Variants in AFAP1L1 observed in about 807,000 individuals in gnomAD.
The protein encoded by AFAP1L1 is actin filament associated protein 1 like 1.
In AFAP1L1, 77 loss-of-function variants were observed where a neutral mutation model predicts 99.8. The ratio of observed to expected loss-of-function variants is 0.77; its 90% confidence interval spans 0.64 to 0.93. The LOEUF is 0.93. Among genes scored for constraint, AFAP1L1 ranks in the 40% least tolerant of loss-of-function variants. AFAP1L1 has a pLI of 0.00. For missense variants in AFAP1L1, 893 were observed against 996.8 expected (o/e 0.90, Z 1.40); for synonymous variants, 373 against 395.3 (o/e 0.94, Z 0.67).
intron 15 of AFAP1L1, among the ~76,000 whole-genome samples, chr5:149,327,216 C>A (rs1418008475): frequency 7.3e-6 from 1 of 137,038 alleles, no homozygotes; most frequent in African/African-American, 2.8e-5. Flanking sequence ...AATAAAGGAA[C>A]AGAAGATGAC....
intron 1 of AFAP1L1, among the ~76,000 whole-genome samples, chr5:149,290,646 G>T (rs938986548): frequency 2.0e-5 from 3 of 152,140 alleles, no homozygotes; most frequent in African/African-American, 7.2e-5. Context: ...ACAAAATAGA[G>T]CATTTGGGAG....
chr5:149,284,219 C>A (rs1009741668), intron 1 of AFAP1L1, among the ~76,000 whole-genome samples: 6 of 152,182 alleles, frequency 3.9e-5, no homozygotes, highest in Non-Finnish European at 7.4e-5. Flanking sequence ...TTCTCCCAGT[C>A]GCTTACTGGG....
chr5:149,279,362 G>T (rs1316099857), intron 1 of AFAP1L1, among the ~76,000 whole-genome samples: 1 of 151,232 alleles, frequency 6.6e-6, no homozygotes, highest in African/African-American at 2.5e-5. Flanking sequence ...GGAAGCCACG[G>T]AATGGCTTAG....
chr5:149,319,722 CT>C lies in AFAP1L1; in HGVS notation c.1622del (p.Phe541SerfsTer38). ...GCATCGTCAGTGCTGGGCGCAACTCCTTCCTGTAAGTGTCAGCTGCACTGGC... is the reference window on the plus strand; with the variant it reads ...GCATCGTCAGTGCTGGGCGCAACTCCTCCTGTAAGTGTCAGCTGCACTGGC... Reference protein sequence around the residue: ...TSIVSAGRNSFLYARSCQNQW... With the variant: ...TSIVSAGRNSXLYARSCQNQW... On this transcript the variant is annotated frameshift_variant, in exon 13 of 19. Coordinates refer to ENST00000296721, the MANE Select transcript of AFAP1L1 (RefSeq NM_152406.4). LOFTEE classifies it high-confidence loss of function. 6.2e-7 allele frequency: 1 copy of C among 1,611,858 alleles called. No homozygotes were observed. The highest frequency in any genetic ancestry group is 8.5e-7 in the Non-Finnish European group (1 of 1,179,918).
In AFAP1L1 at chr5:149,332,864, C is replaced by G; in HGVS notation, c.2145C>G (p.Pro715=). 1 of 1,594,164 alleles carries G rather than the reference C, an allele frequency of 6.3e-7. No individual in the cohort carries two copies. Among genetic ancestry groups the G allele is most frequent in the Non-Finnish European group, 8.5e-7 (1 of 1,171,688 alleles). Residue 715 remains proline (P), a synonymous_variant, in exon 17 of 19, where the codon CCC becomes CCG. Coordinates refer to ENST00000296721, the MANE Select transcript of AFAP1L1 (RefSeq NM_152406.4). ...PALGLSVSSK[P]KSGETANKPQ... Reference sequence around the variant, plus strand: ...TGGGGCTCTCCGTGAGCAGCAAGCCCAAGAGTGGGGTGAGTCCAGGCCCTT... The same window carrying G: ...TGGGGCTCTCCGTGAGCAGCAAGCCGAAGAGTGGGGTGAGTCCAGGCCCTT...
At chr5:149,272,131 CT>C in intron 1 of AFAP1L1, 147 bp downstream of exon 1, 1 of 904,602 alleles carries the variant, frequency 1.1e-6, no homozygotes, top group Non-Finnish European at 1.4e-6. Context: ...AGACGCGGCG[CT>C]TATGCAAAGG....
At position 149,315,856 on chromosome 5, in the gene AFAP1L1, C is replaced by G. The variant is rs1386023360; in HGVS notation, c.1056C>G (p.Asp352Glu). ...AAGAGAAGCAGACCTCAGATTCTGA[C>G]AGCGTGGGTGTGGGTGACAACTGTT... ...LSQEKQTSDS[D>E]SVGVGDNCST... The change falls in exon 10 of 19, where the codon GAC becomes GAG. Residue 352 changes from aspartate (D) to glutamate (E), a missense_variant. Transcript: ENST00000296721. 3.1e-6 allele frequency: 5 copies of G among 1,614,008 alleles called. No individual in the cohort carries two copies. Among genetic ancestry groups the G allele is most frequent in the Admixed American group, 1.7e-5 (1 of 60,010 alleles).
rs369538416 is a variant in AFAP1L1, at chr5:149,332,675, A to T, written c.1976-20A>T. On this transcript the variant is annotated intron_variant, in intron 16 of 18. Coordinates refer to ENST00000296721, the MANE Select transcript of AFAP1L1 (RefSeq NM_152406.4). The stretch of plus-strand genomic sequence containing the variant: ...TTCAGGTCAGGTTCAGCTTTTTCTT[A>T]TCAATGTCTCTTGATTCAGGAGCAA... The T allele has an allele frequency of 5.6e-6, 9 of 1,603,574 alleles. No homozygotes were observed. In the African/African-American group the frequency reaches 8.1e-5, roughly 14 times the overall value.
intron 15 of AFAP1L1, among the ~76,000 whole-genome samples, chr5:149,327,459 G>A (rs1490426949): frequency 6.6e-6 from 1 of 151,926 alleles, no homozygotes; most frequent in South Asian, 2.1e-4. Flanking sequence ...TACAGTATAC[G>A]TATATGGAAC....
rs762281011 is a variant in AFAP1L1, at chr5:149,320,460, G to A, written c.1695G>A (p.Met565Ile). ...RVYDDVPYEK[M>I]QDEEPERPTG... ...ATGATGATGTTCCTTATGAAAAGAT[G>A]CAGGTACAGTCCCTTGGGGCTGCCC... Residue 565 changes from methionine to isoleucine, a missense_variant, in exon 14 of 19, where the codon ATG becomes ATA. Physicochemically the swap from Met to Ile is conservative, Grantham distance 10. Coordinates refer to ENST00000296721, the MANE Select transcript of AFAP1L1 (RefSeq NM_152406.4). The surrounding 1 kb of genome is among the most constrained non-coding windows in gnomAD (Gnocchi z 4.0). The A allele has an allele frequency of 1.2e-6, 2 of 1,614,208 alleles. No homozygotes were observed. The highest frequency in any genetic ancestry group is 1.1e-5 in the South Asian group (1 of 91,084).
rs762666175 is a variant in AFAP1L1, at chr5:149,335,619, G to T, written c.2180G>T (p.Ser727Ile). 1.2e-6 allele frequency: 2 copies of T among 1,612,560 alleles called. No individual in the cohort carries two copies. Among genetic ancestry groups the T allele is most frequent in the Non-Finnish European group, 1.7e-6 (2 of 1,180,004 alleles). ...SGETANKPQN[S>I]VPEQPLPVNC... ...GAAACTGCAAATAAACCCCAGAACA[G>T]CGTTCCAGAGCAACCTCTCCCTGTC... Residue 727 changes from serine to isoleucine, a missense_variant, in exon 18 of 19, where the codon AGC becomes ATC. Physicochemically the swap from Ser to Ile is moderately radical, Grantham distance 142 (BLOSUM62 -2). Coordinates refer to ENST00000296721, the MANE Select transcript of AFAP1L1 (RefSeq NM_152406.4).
intron 15 of AFAP1L1, among the ~76,000 whole-genome samples, chr5:149,328,673 G>A (rs186241558): frequency 5.4e-4 from 82 of 152,216 alleles, no homozygotes; most frequent in African/African-American, 1.9e-3. Flanking sequence ...GCCAGGCATG[G>A]TGGCGGGCAC....
At chr5:149,280,497 C>T (rs1167440434) in intron 1 of AFAP1L1, among the ~76,000 whole-genome samples, 1 of 151,998 alleles carries the variant, frequency 6.6e-6, no homozygotes, top group East Asian at 1.9e-4. Flanking sequence ...TGGCACATCC[C>T]CCAGGTGATT....
At chr5:149,318,843 G>A (rs1756871295) in intron 12 of AFAP1L1, among the ~76,000 whole-genome samples, 1 of 152,238 alleles carries the variant, frequency 6.6e-6, no homozygotes, top group Non-Finnish European at 1.5e-5. Context: ...GGGGTCCACA[G>A]AGGGCCAGTG....
rs112364883 is a variant in AFAP1L1 at position 149,290,869 on chromosome 5, G to T, written c.17-8640G>T. On this transcript the variant is annotated intron_variant, in intron 1 of 18. Transcript: ENST00000296721. ...TTGCTCCAAGAATTTATTGTTCCAT[G>T]TATACTTAAACATTTGCCCTATGTT... 3.3e-4 allele frequency among the ~76,000 whole-genome samples: 51 copies of T among 152,322 alleles called. 2 individuals carry two copies. The highest frequency in any genetic ancestry group is 1.2e-3 in the African/African-American group (48 of 41,574).
At chr5:149,304,014 T>C (rs573450977) in intron 5 of AFAP1L1, among the ~76,000 whole-genome samples, 1 of 152,204 alleles carries the variant, frequency 6.6e-6, no homozygotes, top group Non-Finnish European at 1.5e-5. Flanking sequence ...CCCATACCAC[T>C]AAGCAGTCAC....
intron 1 of AFAP1L1, among the ~76,000 whole-genome samples, chr5:149,284,294 A>G (rs1003801561): frequency 6.6e-6 from 1 of 152,192 alleles, no homozygotes; most frequent in African/African-American, 2.4e-5. Flanking sequence ...AAAGGAGAGT[A>G]TGACGACTGA....
intron 7 of AFAP1L1, 62 bp downstream of exon 7, chr5:149,307,675 C>T: frequency 1.3e-6 from 2 of 1,534,498 alleles, no homozygotes; most frequent in Non-Finnish European, 1.8e-6. Flanking sequence ...GGGTGTGTCT[C>T]TACATACATG....
intron 5 of AFAP1L1, among the ~76,000 whole-genome samples, 182 bp from the exon 6 acceptor site, chr5:149,306,124 G>A (rs1042623192): frequency 1.3e-5 from 2 of 152,162 alleles, no homozygotes; most frequent in Non-Finnish European, 2.9e-5. Context: ...GGAGCAGAGG[G>A]ACTGTGGAGA....
Sources: allele counts gnomAD v4.1 joint callset (sites outside exome capture counted in the v4.1 genomes callset), GRCh38; gene constraint gnomAD v4.1.1; non-coding constraint Gnocchi (gnomAD v3.1); transcripts MANE v1.5; gene names NCBI Gene and HGNC (gene_info 2026-07-23, HGNC 2026-07-21).